The following ARL13B variants were observed in gnomAD, a reference collection of about 807,000 sequenced individuals.
ARL13B encodes ADP-ribosylation factor-like protein 13B.
Under a neutral mutation model 56.1 loss-of-function variants are expected in ARL13B, and 36 were observed. The ratio of observed to expected loss-of-function variants is 0.64; its 90% CI spans 0.49 to 0.85. The LOEUF (loss-of-function observed/expected upper bound fraction) is 0.85. Ranked by LOEUF, ARL13B falls within the 40% of genes least tolerant of loss-of-function variation. The probability of loss-of-function intolerance (pLI) is 0.00; values close to 1 mark genes in which losing one functional copy is unlikely to be tolerated. For missense variants in ARL13B, 519 were observed against 507.1 expected, an observed-to-expected ratio of 1.02 and a Z score of -0.23; for synonymous variants, 178 against 171.1, an observed-to-expected ratio of 1.04 and a Z score of -0.32.
chr3:94,045,218 GC>G (rs1297300114), intron 7 of ARL13B, among the ~76,000 whole-genome samples: 1 of 152,086 alleles, frequency 6.6e-6, no homozygotes, highest in East Asian at 1.9e-4. Flanking sequence ...TGCAAGATGT[GC>G]TTTGTTAAAC....
intron 3 of ARL13B, among the ~76,000 whole-genome samples, chr3:94,005,304 A>G (rs1389065417): frequency 1.3e-5 from 2 of 152,204 alleles, no homozygotes. Context: ...ATTGAAAACA[A>G]ACAAGTAAAA....
Position 94,055,583 on chromosome 3 carries a change from C to T in ARL13B, c.*2320C>T, listed in dbSNP as rs2077130456. On this transcript the variant is annotated 3_prime_UTR_variant, in exon 10 of 10. Coordinates refer to ENST00000394222, the MANE Select transcript of ARL13B (RefSeq NM_001174150.2). Reference sequence around the variant, plus strand: ...TATGTTTTTATGTATTTAAAAGAGGCTCTTGTGTGCCTTTATGTGTAAAAT... The same window carrying T: ...TATGTTTTTATGTATTTAAAAGAGGTTCTTGTGTGCCTTTATGTGTAAAAT... 2.2e-6 allele frequency: 1 copy of T among 453,820 alleles called. No homozygotes were observed. The highest frequency in any genetic ancestry group is 2.0e-5 in the African/African-American group (1 of 50,090). The allele number at this position is 453,820 out of a possible 1,614,324, so 28.1% of individuals were successfully genotyped here. A position where few individuals can be genotyped will look rare whatever the true frequency, so the allele number is the denominator to read the frequency against.
chr3:94,034,636 G>C (rs554508649), intron 3 of ARL13B, among the ~76,000 whole-genome samples: 3 of 151,866 alleles, frequency 2.0e-5, no homozygotes, highest in African/African-American at 7.3e-5. Flanking sequence ...AATATTAAAA[G>C]TTCAGAATGA....
intron 3 of ARL13B, among the ~76,000 whole-genome samples, chr3:94,021,652 C>A (rs2076451246): frequency 6.6e-6 from 1 of 152,220 alleles, no homozygotes; most frequent in East Asian, 1.9e-4. Flanking sequence ...AAGAACTAGT[C>A]TTCTTTTCAG....
rs1440031319 is a variant in ARL13B, at chr3:94,043,231, T to C, written c.1015T>C (p.Leu339=). The C allele has an allele frequency of 3.1e-6, 5 of 1,612,494 alleles. No individual in the cohort carries two copies. The highest frequency in any genetic ancestry group is 4.2e-6 in the Non-Finnish European group (5 of 1,179,274). ...KNEDETDRPS[L]ESANGKKKTK... is the part of the protein sequence containing the mutation. Reference sequence around the variant, plus strand: ...TGAAGATGAGACAGACCGGCCATCATTGGAATCAGGTAATAAATCTAGTTA... The same window carrying C: ...TGAAGATGAGACAGACCGGCCATCACTGGAATCAGGTAATAAATCTAGTTA... Residue 339 remains leucine, a synonymous_variant, in exon 7 of 10, where the codon TTG becomes CTG. Transcript: ENST00000394222.
intron 1 of ARL13B, among the ~76,000 whole-genome samples, chr3:93,982,970 T>G (rs1710290497): frequency 6.6e-6 from 1 of 152,214 alleles, no homozygotes; most frequent in South Asian, 2.1e-4. Flanking sequence ...AGAAATTGCC[T>G]GTTTGATTAT....
chr3:94,015,174 C>G, intron 3 of ARL13B: 1 of 1,613,778 alleles, frequency 6.2e-7, no homozygotes, highest in Non-Finnish European at 8.5e-7. Context: ...GTAGAAACAC[C>G]CCTTGTTCCT....
chr3:94,036,529 A>G, intron 4 of ARL13B, 23 bp from the exon 5 acceptor site: 2 of 1,610,096 alleles, frequency 1.2e-6, no homozygotes. Context: ...TTAATCTTTT[A>G]GTCAAATAAA....
rs545228041 is a variant in ARL13B, at chr3:94,044,301, G to A, written c.1024+1061G>A. 8.9e-5 allele frequency among the ~76,000 whole-genome samples: 13 copies of A among 146,078 alleles called. No homozygotes were observed. In the South Asian group the frequency reaches 8.9e-4, roughly 10 times the overall value. On this transcript the variant is annotated intron_variant, in intron 7 of 9. Transcript: ENST00000394222. ...TGGGAAGTGAGGAGCGCCTCTGCCCGGCCGCCCCGTCTGGGAGGTGAGGAG... is the reference window on the plus strand; with the variant it reads ...TGGGAAGTGAGGAGCGCCTCTGCCCAGCCGCCCCGTCTGGGAGGTGAGGAG...
At position 94,054,409 on chromosome 3, in the gene ARL13B, G is replaced by T. The variant is rs1298752341; in HGVS notation, c.*1146G>T. The T allele has an allele frequency of 2.6e-6, 1 of 387,194 alleles. No homozygotes were observed. The highest frequency in any genetic ancestry group is 3.3e-5 in the Admixed American group (1 of 30,564). The allele number at this position is 387,194 out of a possible 1,614,324, so 24.0% of individuals were successfully genotyped here. On this transcript the variant is annotated 3_prime_UTR_variant, in exon 10 of 10. Coordinates refer to ENST00000394222, the MANE Select transcript of ARL13B (RefSeq NM_001174150.2). ...TTAAGAATGGCATCCATAAGATTCT[G>T]TATTTGGCATTTAGACTAACTTCTA...
intron 1 of ARL13B, among the ~76,000 whole-genome samples, chr3:93,992,967 A>AT (rs137978294): frequency 6.1e-3 from 698 of 114,534 alleles, no homozygotes; most frequent in East Asian, 0.019. Flanking sequence ...TAATTTTTGT[A>AT]TTTTTTTTTT....
intron 3 of ARL13B, among the ~76,000 whole-genome samples, chr3:94,009,273 A>G (rs905572883): frequency 2.0e-5 from 3 of 152,080 alleles, no homozygotes; most frequent in African/African-American, 7.2e-5. Context: ...GTGATTTTCC[A>G]TATTAGGAGA....
At chr3:93,981,522 C>T (rs1223994039) in intron 1 of ARL13B, among the ~76,000 whole-genome samples, 1 of 152,072 alleles carries the variant, frequency 6.6e-6, no homozygotes, top group Non-Finnish European at 1.5e-5. Flanking sequence ...ACTAGAGATT[C>T]TTCCCCATTA....
intron 4 of ARL13B, among the ~76,000 whole-genome samples, chr3:94,036,304 G>A (rs902064976): frequency 2.0e-5 from 3 of 152,048 alleles, no homozygotes; most frequent in Non-Finnish European, 4.4e-5. Flanking sequence ...AATATTATAA[G>A]TGGCACTGTC....
intron 7 of ARL13B, among the ~76,000 whole-genome samples, chr3:94,044,453 C>CTGG (rs2076939127): frequency 6.9e-6 from 1 of 145,516 alleles, no homozygotes; most frequent in Non-Finnish European, 1.5e-5. Flanking sequence ...GCGCCTCTGC[C>CTGG]CGGCCACCCC....
At chr3:93,996,712 C>A in intron 2 of ARL13B, 1 of 398,404 alleles carries the variant, frequency 2.5e-6, no homozygotes, top group South Asian at 1.8e-5. Flanking sequence ...CTTTGTGCTA[C>A]AATATAGCAG....
In ARL13B at chr3:94,020,475, C is replaced by T. The variant is rs796623827; in HGVS notation, c.381-14856C>T. Among the ~76,000 whole-genome samples, 6 of 152,188 alleles carry T rather than the reference C, an allele frequency of 3.9e-5. No individual in the cohort carries two copies. In the East Asian group the frequency reaches 9.7e-4, roughly 24 times the overall value. On this transcript the variant is annotated intron_variant, in intron 3 of 9. Transcript: ENST00000394222. Reference sequence around the variant, plus strand: ...AGCATACTAGAGCATAGTAACTTCACTATGACATAGCATAGCTTTACTATG... The same window carrying T: ...AGCATACTAGAGCATAGTAACTTCATTATGACATAGCATAGCTTTACTATG...
At chr3:94,030,103 A>G (rs2076648420) in intron 3 of ARL13B, among the ~76,000 whole-genome samples, 1 of 152,210 alleles carries the variant, frequency 6.6e-6, no homozygotes, top group Admixed American at 6.5e-5. Flanking sequence ...GGGAGGATGA[A>G]CTAAACACGA....
At chr3:94,029,647 A>G (rs907103482) in intron 3 of ARL13B, among the ~76,000 whole-genome samples, 1 of 151,804 alleles carries the variant, frequency 6.6e-6, no homozygotes, top group Non-Finnish European at 1.5e-5. Context: ...GGCCAATCAC[A>G]TTTATATTTA....
Sources: gnomAD v4.1 joint callset for allele counts (sites outside exome capture counted in the v4.1 genomes callset) on GRCh38, gnomAD v4.1.1 for gene constraint, MANE v1.5 for transcripts, NCBI Gene and HGNC (gene_info 2026-07-23, HGNC 2026-07-21) for gene names.